CYYR1: variants seen among roughly 807,000 people sequenced by gnomAD.
The protein encoded by CYYR1 is cysteine and tyrosine rich 1.
A neutral mutation model predicts 15.2 loss-of-function variants in CYYR1; 14 were observed. That is an observed-to-expected ratio of 0.92 (90% CI 0.61 to 1.44). The LOEUF is 1.44. Ranked by LOEUF, CYYR1 falls within the 40% of genes most tolerant of loss-of-function variation. The probability of loss-of-function intolerance (pLI) is 0.00; values close to 1 mark genes in which losing one functional copy is unlikely to be tolerated. For missense variants in CYYR1, 228 were observed against 209.5 expected, an observed-to-expected ratio of 1.09 and a Z score of -0.54; for synonymous variants, 80 against 77.4, an observed-to-expected ratio of 1.03 and a Z score of -0.18.
At chr21:26,502,776 A>G (rs1408327583) in intron 2 of CYYR1, among the ~76,000 whole-genome samples, 1 of 152,084 alleles carries the variant, frequency 6.6e-6, no homozygotes, top group Non-Finnish European at 1.5e-5. Flanking sequence ...CCAGTGAGCT[A>G]TAGGTAATGT....
At chr21:26,538,295 T>C (rs1219520508) in intron 2 of CYYR1, among the ~76,000 whole-genome samples, 2 of 152,180 alleles carry the variant, frequency 1.3e-5, no homozygotes, top group Admixed American at 1.3e-4. Flanking sequence ...CTTCCAATCT[T>C]TGAGTTTTTC....
intron 2 of CYYR1, among the ~76,000 whole-genome samples, chr21:26,502,302 CTTTTTT>C (rs33974862): frequency 7.2e-6 from 1 of 139,306 alleles, no homozygotes. Flanking sequence ...TTGAGAACTG[CTTTTTT>C]TTTTTTTTTT....
chr21:26,474,938 C>G (rs1601724353), intron 3 of CYYR1, among the ~76,000 whole-genome samples: 2 of 152,108 alleles, frequency 1.3e-5, no homozygotes, highest in East Asian at 3.9e-4. Context: ...ACTAAAATTA[C>G]TCTTTTGCAC....
intron 2 of CYYR1, among the ~76,000 whole-genome samples, chr21:26,514,066 TA>T (rs5843239): frequency 0.69 from 102,305 of 149,336 alleles, 35,932 homozygotes; most frequent in African/African-American, 0.85. Context: ...AGTATAATAA[TA>T]AAAAAAAAAA....
chr21:26,480,494 A>G, intron 2 of CYYR1, 65 bp from the exon 3 acceptor site: 1 of 1,479,824 alleles, frequency 6.8e-7, no homozygotes, highest in Non-Finnish European at 9.1e-7. Context: ...TTTCTAGTAG[A>G]GCTCCATGAT....
chr21:26,495,183 G>A (rs1446776533), intron 2 of CYYR1, among the ~76,000 whole-genome samples: 1 of 152,126 alleles, frequency 6.6e-6, no homozygotes, highest in Non-Finnish European at 1.5e-5. Flanking sequence ...TTACAGTCTG[G>A]GTTATCACTT....
intron 2 of CYYR1, among the ~76,000 whole-genome samples, chr21:26,526,507 A>G (rs1297710384): frequency 1.3e-5 from 2 of 152,200 alleles, no homozygotes; most frequent in Non-Finnish European, 2.9e-5. Flanking sequence ...CAAAAGTTCC[A>G]TTTTAAACCT....
At chr21:26,565,984 T>C (rs1026770453) in intron 2 of CYYR1, among the ~76,000 whole-genome samples, 1 of 152,264 alleles carries the variant, frequency 6.6e-6, no homozygotes, top group Non-Finnish European at 1.5e-5. Context: ...TGATGTCTAC[T>C]TAAAACATTA....
chr21:26,531,271 T>G (rs1316782520), intron 2 of CYYR1, among the ~76,000 whole-genome samples: 5 of 152,150 alleles, frequency 3.3e-5, no homozygotes, highest in Admixed American at 2.0e-4. Flanking sequence ...ATTGCAAGAT[T>G]GTGTTATTCC....
intron 2 of CYYR1, among the ~76,000 whole-genome samples, chr21:26,503,980 C>G (rs1355447640): frequency 6.6e-6 from 1 of 152,066 alleles, no homozygotes; most frequent in African/African-American, 2.4e-5. Context: ...TTATCGTTCT[C>G]TGTGGCCCAA....
intron 2 of CYYR1, among the ~76,000 whole-genome samples, chr21:26,558,266 A>G (rs1052091392): frequency 6.6e-6 from 1 of 152,196 alleles, no homozygotes; most frequent in Non-Finnish European, 1.5e-5. Context: ...TTTCAAACAT[A>G]TAAGAATCAT....
At chr21:26,503,586 T>A (rs2065511982) in intron 2 of CYYR1, 1 of 152,212 alleles carries the variant, frequency 6.6e-6, no homozygotes, top group Non-Finnish European at 1.5e-5. Context: ...CCACAGAGTA[T>A]CTGCCTGGAA....
At chr21:26,527,417 C>G in intron 2 of CYYR1, among the ~76,000 whole-genome samples, 1 of 152,008 alleles carries the variant, frequency 6.6e-6, no homozygotes, top group East Asian at 1.9e-4. Flanking sequence ...AGTCAAATCA[C>G]TTTTAATTTT....
chr21:26,497,001 T>G (rs1288149503), intron 2 of CYYR1, among the ~76,000 whole-genome samples: 1 of 152,198 alleles, frequency 6.6e-6, no homozygotes, highest in Non-Finnish European at 1.5e-5. Context: ...TAATGAAAGA[T>G]ATTTATTGAA....
At chr21:26,524,060 A>C (rs1466433635) in intron 2 of CYYR1, among the ~76,000 whole-genome samples, 1 of 152,182 alleles carries the variant, frequency 6.6e-6, no homozygotes, top group Admixed American at 6.5e-5. Flanking sequence ...GTCCAGGTTT[A>C]CCATTAAGAC....
intron 2 of CYYR1, among the ~76,000 whole-genome samples, chr21:26,482,000 C>T (rs1204863424): frequency 6.6e-6 from 1 of 152,014 alleles, no homozygotes; most frequent in African/African-American, 2.4e-5. Context: ...TCCACAAAAG[C>T]AACCACTTCA....
rs374451093 is a variant in CYYR1 at position 26,480,432 on chromosome 21, A to G, written c.177-3T>C. On this transcript the variant is annotated splice_region_variant and splice_polypyrimidine_tract_variant and intron_variant, in intron 2 of 3. Transcript: ENST00000652641. ...CAATGCCCGCAATTGCAGTGCCCCT[A>G]AAAGGAAAAACAAGTAAGTTTACTC... The G allele has an allele frequency of 1.2e-5, 19 of 1,607,566 alleles. No individual in the cohort carries two copies. The African/African-American group carries it at 1.2e-4, about 10-fold the overall frequency.
At chr21:26,502,740 A>G (rs1301466311) in intron 2 of CYYR1, among the ~76,000 whole-genome samples, 1 of 151,876 alleles carries the variant, frequency 6.6e-6, no homozygotes, top group Non-Finnish European at 1.5e-5. Context: ...TCTGTTTCCT[A>G]TTGTTTGTTT....
chr21:26,544,256 C>T (rs571664031), intron 2 of CYYR1, among the ~76,000 whole-genome samples: 45 of 152,224 alleles, frequency 3.0e-4, no homozygotes, highest in Non-Finnish European at 5.0e-4. Context: ...GAATTCTGTA[C>T]GAATAATCAC....
Sources: allele counts gnomAD v4.1 joint callset (sites outside exome capture counted in the v4.1 genomes callset), GRCh38; gene constraint gnomAD v4.1.1; transcripts MANE v1.5; gene names NCBI Gene and HGNC (gene_info 2026-07-23, HGNC 2026-07-21).